PSG11: variants seen among roughly 807,000 people sequenced by gnomAD.
PSG11 encodes pregnancy specific beta-1-glycoprotein 11.
PSG11 carries 42 observed loss-of-function variants against 36.0 expected under a neutral mutation model. The observed-to-expected ratio is 1.17, with a 90% confidence interval of 0.91 to 1.51. The LOEUF is 1.51. Among genes scored for constraint, PSG11 ranks in the 40% most tolerant of loss-of-function variants. The pLI is 0.00. For synonymous variants in PSG11, 206 were observed against 153.5 expected, an observed-to-expected ratio of 1.34 and a Z score of -2.53; for missense variants, 558 against 403.5, an observed-to-expected ratio of 1.38 and a Z score of -3.28.
At chr19:43,020,093 A>T (rs893364755) in intron 2 of PSG11, among the ~76,000 whole-genome samples, 3 of 151,414 alleles carry the variant, frequency 2.0e-5, no homozygotes, top group African/African-American at 7.3e-5. Context: ...AGGAGCTGGG[A>T]TCAGGGGAAT....
At chr19:43,011,592 G>T (rs913801909) in intron 4 of PSG11, among the ~76,000 whole-genome samples, 10 of 151,294 alleles carry the variant, frequency 6.6e-5, no homozygotes, top group African/African-American at 9.8e-5. Flanking sequence ...ACTCAAATCA[G>T]AAATGAAAAT....
chr19:43,015,121 A>T lies in PSG11; in HGVS notation c.959T>A (p.Val320Asp), dbSNP rs767933041. ...GGATGCTGGGATCCACTTACCAATG[A>T]CTCTGATTGTCAAGGATGTGGAGCT... Reference protein sequence around the residue: ...EESSTSLTIRVIAPPGLGTFA... With the variant: ...EESSTSLTIRDIAPPGLGTFA... The change falls in exon 4 of 6, where the codon GTC becomes GAC. Residue 320 changes from valine (V) to aspartate (D), a missense_variant. Physicochemically the swap from Val to Asp is radical, Grantham distance 152. Coordinates refer to ENST00000320078, the MANE Select transcript of PSG11 (RefSeq NM_002785.3). The T allele has an allele frequency of 8.7e-6, 14 of 1,611,812 alleles. No homozygotes were observed. The highest frequency in any genetic ancestry group is 1.2e-5 in the Non-Finnish European group (14 of 1,178,914).
In PSG11 at chr19:43,022,265, G is replaced by C. The variant is rs544682452; in HGVS notation, c.430+2426C>G. On this transcript the variant is annotated intron_variant, in intron 2 of 5. Transcript: ENST00000320078. ...ATAACATCACTATTGTAGAACGTGAGATTGGTCTTTTGAGATGCTTCTCAT... is the reference window on the plus strand; with the variant it reads ...ATAACATCACTATTGTAGAACGTGACATTGGTCTTTTGAGATGCTTCTCAT... 2.0e-5 allele frequency among the ~76,000 whole-genome samples: 3 copies of C among 151,484 alleles called. 1 individual carries two copies. The highest frequency in any genetic ancestry group is 4.2e-4 in the South Asian group (2 of 4,788).
chr19:43,011,553 C>A (rs1371396614), intron 4 of PSG11, among the ~76,000 whole-genome samples: 1 of 150,858 alleles, frequency 6.6e-6, no homozygotes, highest in Non-Finnish European at 1.5e-5. Context: ...ACTAGATTGA[C>A]TAAGAAAAAA....
rs1196932807 is a variant in PSG11, at chr19:43,018,745, T to C, written c.709+25A>G. ...TGTGTATTTGGGATGGCAGCCTGGC[T>C]CACAGAGGAACAGAAGATACTCACG... On this transcript the variant is annotated intron_variant, in intron 3 of 5. Coordinates refer to ENST00000320078, the MANE Select transcript of PSG11 (RefSeq NM_002785.3). 1.2e-5 allele frequency: 19 copies of C among 1,611,906 alleles called. 1 individual carries two copies. The highest frequency in any genetic ancestry group is 7.7e-5 in the South Asian group (7 of 90,842).
intron 3 of PSG11, 78 bp downstream of exon 3, chr19:43,018,692 A>T: frequency 1.2e-6 from 2 of 1,609,818 alleles, no homozygotes; most frequent in Admixed American, 1.7e-5. Flanking sequence ...TGGACCTGAG[A>T]GGGACTGAGA....
chr19:43,008,465 A>G (rs1433944321), intron 5 of PSG11, among the ~76,000 whole-genome samples: 1 of 150,776 alleles, frequency 6.6e-6, no homozygotes, highest in Non-Finnish European at 1.5e-5. Flanking sequence ...TTTGGTAGAG[A>G]TGGGGTTTCA....
intron 4 of PSG11, chr19:43,010,420 G>A (rs536818833): frequency 3.3e-6 from 5 of 1,519,338 alleles, no homozygotes; most frequent in Admixed American, 1.9e-5. Context: ...GATCTCCATG[G>A]CAGGGACCTG....
At chr19:43,021,903 T>A (rs1967110455) in intron 2 of PSG11, among the ~76,000 whole-genome samples, 2 of 151,458 alleles carry the variant, frequency 1.3e-5, no homozygotes, top group South Asian at 2.1e-4. Flanking sequence ...GTGCAGAGAT[T>A]ACAACAGTGA....
At chr19:43,010,533 G>C (rs1161255169) in intron 4 of PSG11, 5 of 621,298 alleles carry the variant, frequency 8.0e-6, no homozygotes, top group Admixed American at 5.7e-5. Context: ...AGCAAGCCTA[G>C]TTCTCTGAGG....
In PSG11 at chr19:43,015,333, G is replaced by C. The variant is rs746588679; in HGVS notation, c.747C>G (p.Thr249=). 4 of 1,610,284 alleles carry C rather than the reference G, an allele frequency of 2.5e-6. No homozygotes were observed. The highest frequency in any genetic ancestry group is 3.4e-6 in the Non-Finnish European group (4 of 1,177,480). ...CGAGGTTCTCTCCTGAATAGTAAGA[G>C]GTGACTGAAGGGAAAATTCTGGGGA... ...PDLPRIFPSV[T]SYYSGENLDL... is the part of the protein sequence containing the mutation. The change falls in exon 4 of 6, where the codon ACC becomes ACG. Residue 249 remains threonine, a synonymous_variant. Coordinates refer to ENST00000320078, the MANE Select transcript of PSG11 (RefSeq NM_002785.3).
At chr19:43,024,516 C>T in intron 2 of PSG11, 175 bp downstream of exon 2, 1 of 1,275,428 alleles carries the variant, frequency 7.8e-7, no homozygotes, top group East Asian at 2.3e-5. Flanking sequence ...GAAAGGAATT[C>T]TGATCTGTTG....
At chr19:43,009,656 A>G (rs1026772295) in intron 5 of PSG11, among the ~76,000 whole-genome samples, 1 of 151,420 alleles carries the variant, frequency 6.6e-6, no homozygotes, top group African/African-American at 2.4e-5. Context: ...AATGGAGAGA[A>G]TTACACTATT....
intron 2 of PSG11, 32 bp from the exon 3 acceptor site, chr19:43,019,080 T>G (rs949653104): frequency 2.5e-5 from 40 of 1,599,824 alleles, no homozygotes; most frequent in Non-Finnish European, 3.3e-5. Context: ...GATTGCCCTG[T>G]GTGGCACCTT....
chr19:43,010,222 G>A lies in PSG11; in HGVS notation c.965-181C>T, dbSNP rs139228628. ...TGCAGTTTTTTTTCCCTCTCACCAT[G>A]TTTCTCAGTTGGTGATCAGTCCTCT... On this transcript the variant is annotated intron_variant, in intron 4 of 5. Coordinates refer to ENST00000320078, the MANE Select transcript of PSG11 (RefSeq NM_002785.3). 5 of 1,451,584 alleles carry A rather than the reference G, an allele frequency of 3.4e-6. No homozygotes were observed. The African/African-American group carries it at 5.8e-5, about 17-fold the overall frequency. The allele number at this position is 1,451,584 out of a possible 1,614,324, so 89.9% of individuals were successfully genotyped here. A position where few individuals can be genotyped will look rare whatever the true frequency, so the allele number is the denominator to read the frequency against.
intron 1 of PSG11, 159 bp from the exon 2 acceptor site, chr19:43,025,215 T>G: frequency 7.8e-7 from 1 of 1,275,182 alleles, no homozygotes; most frequent in Non-Finnish European, 1.1e-6. Context: ...AAAAGGGGCA[T>G]GTGTGTTTGT....
intron 3 of PSG11, 145 bp downstream of exon 3, chr19:43,018,625 G>C: frequency 6.4e-7 from 1 of 1,564,494 alleles, no homozygotes. Context: ...ACTGTGGTTT[G>C]TCTGGGGCAG....
chr19:43,013,066 G>A (rs1047143590), intron 4 of PSG11, among the ~76,000 whole-genome samples: 4 of 151,302 alleles, frequency 2.6e-5, no homozygotes, highest in African/African-American at 9.8e-5. Flanking sequence ...TGGGAAAGCT[G>A]GATATCCAAG....
rs558465778 is a variant in PSG11, at chr19:43,016,881, G to A, written c.710-1511C>T. On this transcript the variant is annotated intron_variant, in intron 3 of 5. Transcript: ENST00000320078. ...ATTTGCAAATGCAGAACTGACTGGT[G>A]GAAAGGGTGGGAATGAACTGCTGGA... Among the ~76,000 whole-genome samples, 179 of 151,666 alleles carry A rather than the reference G, an allele frequency of 1.2e-3. 4 individuals carry two copies. Among genetic ancestry groups the A allele is most frequent in the African/African-American group, 3.9e-3 (162 of 41,232 alleles).
Sources: gnomAD v4.1 joint callset for allele counts (sites outside exome capture counted in the v4.1 genomes callset) on GRCh38, gnomAD v4.1.1 for gene constraint, MANE v1.5 for transcripts, NCBI Gene and HGNC (gene_info 2026-07-23, HGNC 2026-07-21) for gene names.